The following CAMTA1 variants were observed in gnomAD, a reference collection of about 807,000 sequenced individuals.
CAMTA1 encodes the protein calmodulin-binding transcription activator 1.
Under a neutral mutation model 170.9 loss-of-function variants are expected in CAMTA1, and 27 were observed. The observed-to-expected ratio is 0.16, with a 90% CI of 0.12 to 0.22. The LOEUF is 0.22. Ranked by LOEUF, CAMTA1 falls within the 10% of genes least tolerant of loss-of-function variation. The probability of loss-of-function intolerance (pLI) is 1.00; values close to 1 mark genes in which losing one functional copy is unlikely to be tolerated. For synonymous variants in CAMTA1, 833 were observed against 891.5 expected, an observed-to-expected ratio of 0.93 and a Z score of 1.17; for missense variants, 1,619 against 2,217.2, an observed-to-expected ratio of 0.73 and a Z score of 5.42.
chr1:7,708,606 A>G (rs925906465), intron 11 of CAMTA1, among the ~76,000 whole-genome samples: 4 of 152,244 alleles, frequency 2.6e-5, no homozygotes, highest in African/African-American at 9.6e-5. Context: ...TTTATAAAGT[A>G]TCGTGATCCC....
chr1:7,172,252 C>T (rs1033147602), intron 4 of CAMTA1, among the ~76,000 whole-genome samples: 1 of 152,032 alleles, frequency 6.6e-6, no homozygotes, highest in African/African-American at 2.4e-5. Context: ...TGGGCTCAAG[C>T]GATTCTCCTG....
chr1:6,891,081 A>G (rs750592112), intron 3 of CAMTA1, among the ~76,000 whole-genome samples: 6 of 152,180 alleles, frequency 3.9e-5, no homozygotes, highest in Non-Finnish European at 7.3e-5. Flanking sequence ...TGACACATTG[A>G]CCTATGCAGA....
intron 11 of CAMTA1, among the ~76,000 whole-genome samples, chr1:7,725,571 G>C (rs920889462): frequency 6.6e-6 from 1 of 152,248 alleles, no homozygotes; most frequent in African/African-American, 2.4e-5. Context: ...GCTTCTGTTT[G>C]AGCAGGTGGT....
At chr1:7,513,793 A>G (rs753971073) in intron 6 of CAMTA1, among the ~76,000 whole-genome samples, 4 of 152,178 alleles carry the variant, frequency 2.6e-5, no homozygotes, top group Admixed American at 6.5e-5. Context: ...GTGGTGGCGC[A>G]TGCCTGTAAT....
At chr1:6,888,075 AGTTACCACCT>A (rs1295902732) in intron 3 of CAMTA1, 3 of 1,049,294 alleles carry the variant, frequency 2.9e-6, no homozygotes, top group African/African-American at 1.7e-5. Flanking sequence ...TTTTCCAGTC[AGTTACCACCT>A]GTCTCATCAG....
chr1:7,621,957 CTCGTGTG>C (rs1417416321), intron 6 of CAMTA1, among the ~76,000 whole-genome samples: 1 of 152,222 alleles, frequency 6.6e-6, no homozygotes, highest in Admixed American at 6.5e-5. Flanking sequence ...TCTGGGTGAC[CTCGTGTG>C]ACCTTGCAAT....
At chr1:7,715,432 C>CTTTTTTTTTTTTT (rs34965685) in intron 11 of CAMTA1, among the ~76,000 whole-genome samples, 1 of 142,276 alleles carries the variant, frequency 7.0e-6, no homozygotes, top group African/African-American at 2.6e-5. Context: ...TAGCCACACA[C>CTTTTTTTTTTTTT]TTTTTTTTTT....
chr1:7,664,738 G>A lies in CAMTA1; in HGVS notation c.2191G>A (p.Gly731Ser), dbSNP rs146328777. The change falls in exon 9 of 23, where the codon GGC becomes AGC. Residue 731 changes from glycine (G) to serine (S), a missense_variant. Physicochemically the swap from Gly to Ser is moderately conservative, Grantham distance 56. Coordinates refer to ENST00000303635, the MANE Select transcript of CAMTA1 (RefSeq NM_015215.4). ...GACCAACGGGGTAATCCGAAGCGCC[G>A]GCGGCGTCCCCATCCTCCCGGGCAA... ...PETNGVIRSA[G>S]GVPILPGNVV... 5 of 1,608,442 alleles carry A rather than the reference G, an allele frequency of 3.1e-6. No individual in the cohort carries two copies. The highest frequency in any genetic ancestry group is 1.7e-4 in the Middle Eastern group (1 of 6,046).
chr1:7,338,391 T>C (rs996661076), intron 5 of CAMTA1, among the ~76,000 whole-genome samples: 4 of 152,068 alleles, frequency 2.6e-5, no homozygotes, highest in African/African-American at 7.2e-5. Context: ...TTCTGGAGGG[T>C]TTGGAGCCGT....
At chr1:7,448,342 G>T (rs2092730119) in intron 5 of CAMTA1, among the ~76,000 whole-genome samples, 2 of 152,276 alleles carry the variant, frequency 1.3e-5, no homozygotes, top group Middle Eastern at 3.4e-3. Flanking sequence ...CGTTTCCTTG[G>T]GTCTGGAATG....
chr1:6,907,673 G>T (rs1055861679), intron 3 of CAMTA1, among the ~76,000 whole-genome samples: 24 of 152,164 alleles, frequency 1.6e-4, no homozygotes, highest in Non-Finnish European at 1.0e-4. Flanking sequence ...AGCAGGTACG[G>T]GGCCAGCCTG....
At chr1:7,586,331 G>A (rs182075616) in intron 6 of CAMTA1, among the ~76,000 whole-genome samples, 28 of 152,296 alleles carry the variant, frequency 1.8e-4, no homozygotes, top group Admixed American at 1.8e-3. Context: ...CTCAAATGTC[G>A]GAGTCCTCCC....
intron 3 of CAMTA1, among the ~76,000 whole-genome samples, chr1:6,962,271 C>T (rs899470330): frequency 1.3e-5 from 2 of 152,158 alleles, no homozygotes; most frequent in Non-Finnish European, 2.9e-5. Flanking sequence ...TCATTTTACT[C>T]CCCCCAGGTC....
At position 7,309,339 on chromosome 1, in the gene CAMTA1, G is replaced by A. The variant is rs551199174; in HGVS notation, c.438+59713G>A. Among the ~76,000 whole-genome samples, 55 of 112,656 alleles carry A rather than the reference G, an allele frequency of 4.9e-4. No individual in the cohort carries two copies. The South Asian group carries it at 0.016, about 34-fold the overall frequency. The allele number at this position is 112,656 out of a possible 152,430, so 73.9% of individuals were successfully genotyped here. A position where few individuals can be genotyped will look rare whatever the true frequency, so the allele number is the denominator to read the frequency against. ...TTTTGAGACGGAGTCTCGCTCTGTC[G>A]CCCAGGCTGGAGTGCAGTGACACGA... On this transcript the variant is annotated intron_variant, in intron 5 of 22. Transcript: ENST00000303635.
At chr1:7,643,619 TGAACTGGAGG>T (rs1372791593) in intron 7 of CAMTA1, among the ~76,000 whole-genome samples, 3 of 152,224 alleles carry the variant, frequency 2.0e-5, no homozygotes. Flanking sequence ...CCTCCAATGC[TGAACTGGAGG>T]GAACTGTGAA....
At chr1:7,431,663 G>A (rs570003271) in intron 5 of CAMTA1, among the ~76,000 whole-genome samples, 13 of 152,236 alleles carry the variant, frequency 8.5e-5, no homozygotes, top group African/African-American at 2.4e-4. Flanking sequence ...CCGTGGCGCC[G>A]CTCAAGCATA....
At chr1:7,054,545 G>A (rs1045409901) in intron 3 of CAMTA1, among the ~76,000 whole-genome samples, 30 of 152,238 alleles carry the variant, frequency 2.0e-4, no homozygotes, top group Non-Finnish European at 3.5e-4. Context: ...GCAGTTGCTT[G>A]AACAACTGGA....
At chr1:7,247,965 G>C (rs1198579751) in intron 4 of CAMTA1, among the ~76,000 whole-genome samples, 1 of 152,208 alleles carries the variant, frequency 6.6e-6, no homozygotes, top group Non-Finnish European at 1.5e-5. Flanking sequence ...TACAGACTTA[G>C]GGAGGAAACC....
At chr1:7,712,452 C>T (rs2096577917) in intron 11 of CAMTA1, among the ~76,000 whole-genome samples, 1 of 152,058 alleles carries the variant, frequency 6.6e-6, no homozygotes, top group African/African-American at 2.4e-5. Flanking sequence ...TCCCAAGTAA[C>T]AGGGACCACA....
Sources: gnomAD v4.1 joint callset for allele counts (sites outside exome capture counted in the v4.1 genomes callset) on GRCh38, gnomAD v4.1.1 for gene constraint, MANE v1.5 for transcripts, NCBI Gene and HGNC (gene_info 2026-07-23, HGNC 2026-07-21) for gene names.